NBAS: variants seen among roughly 807,000 people sequenced by gnomAD.
The protein encoded by NBAS is NBAS subunit of NRZ tethering complex, also known as NAG/BC035112 fusion.
NBAS carries 219 observed loss-of-function variants against 302.5 expected under a neutral mutation model. The observed-to-expected ratio is 0.72, with a 90% CI of 0.65 to 0.81. The LOEUF is 0.81. Ranked by LOEUF, NBAS falls within the 30% of genes least tolerant of loss-of-function variation. The pLI, the probability that NBAS is intolerant of heterozygous loss-of-function variation, is 0.00. For missense variants in NBAS, 2,932 were observed against 2,841.6 expected (o/e 1.03, Z -0.72); for synonymous variants, 1,118 against 1,021.6 (o/e 1.09, Z -1.80).
At chr2:14,870,258 G>A in the NBAS span, among the ~76,000 whole-genome samples, 1 of 152,170 alleles carries the variant, frequency 6.6e-6, no homozygotes, top group African/African-American at 2.4e-5. Flanking sequence ...GAAGCCACAG[G>A]ACAGTGTACT....
chr2:14,828,839 A>G, the NBAS span, among the ~76,000 whole-genome samples: 1 of 152,246 alleles, frequency 6.6e-6, no homozygotes, highest in East Asian at 1.9e-4. Context: ...TAGATGTTTC[A>G]TAGGTGTTGG....
the NBAS span, among the ~76,000 whole-genome samples, chr2:14,957,074 C>A: frequency 3.3e-5 from 5 of 152,030 alleles, no homozygotes; most frequent in Non-Finnish European, 7.4e-5. Flanking sequence ...CAGTATGAGA[C>A]ACAAGGAGAA....
the NBAS span, among the ~76,000 whole-genome samples, chr2:14,817,944 C>A: frequency 6.6e-6 from 1 of 151,990 alleles, no homozygotes. Flanking sequence ...ATGTGAGGTT[C>A]GCTATTCTCC....
chr2:15,446,044 G>A (rs1413192383), intron 21 of NBAS, among the ~76,000 whole-genome samples: 1 of 150,708 alleles, frequency 6.6e-6, no homozygotes, highest in East Asian at 1.9e-4. Flanking sequence ...TGGGCTGTAA[G>A]ATATGATCAC....
chr2:15,394,621 C>CTT (rs1675777978), intron 27 of NBAS, among the ~76,000 whole-genome samples: 1 of 152,186 alleles, frequency 6.6e-6, no homozygotes, highest in East Asian at 1.9e-4. Context: ...TCTCAAAAAT[C>CTT]TTTTTGCTAC....
At chr2:15,104,535 AG>A in the NBAS span, among the ~76,000 whole-genome samples, 6 of 152,008 alleles carry the variant, frequency 3.9e-5, 1 homozygote, top group South Asian at 1.3e-3. Context: ...TGGATGTCAC[AG>A]CACAGAAAAA....
At chr2:15,013,953 TA>T in the NBAS span, among the ~76,000 whole-genome samples, 20 of 151,812 alleles carry the variant, frequency 1.3e-4, no homozygotes, top group Non-Finnish European at 1.5e-5. Context: ...TGAAGGGATA[TA>T]AAAAGATATT....
chr2:15,498,750 G>GCTCTCT (rs71400654), intron 11 of NBAS, among the ~76,000 whole-genome samples: 2 of 148,014 alleles, frequency 1.4e-5, no homozygotes, highest in African/African-American at 5.0e-5. Context: ...ATTCGTGCTC[G>GCTCTCT]CTCTCTCTCT....
the NBAS span, among the ~76,000 whole-genome samples, chr2:15,159,560 C>T: frequency 6.7e-6 from 1 of 149,418 alleles, no homozygotes; most frequent in Non-Finnish European, 1.5e-5. Context: ...ATGTGAAATA[C>T]CTAGAGTAGT....
chr2:15,069,698 G>A, the NBAS span, among the ~76,000 whole-genome samples: 16 of 151,802 alleles, frequency 1.1e-4, no homozygotes. Flanking sequence ...GTCATGTTAA[G>A]AGAAAAAAAA....
chr2:15,233,586 A>G (rs1553348277), intron 46 of NBAS, among the ~76,000 whole-genome samples: 1 of 152,222 alleles, frequency 6.6e-6, no homozygotes, highest in Non-Finnish European at 1.5e-5. Flanking sequence ...CATCATTTGA[A>G]AGAGGACACT....
At position 15,417,709 on chromosome 2, in the gene NBAS, C is replaced by T; in HGVS notation, c.2581G>A (p.Asp861Asn). ...EEIEHYARQVDCALSLIRLGM... is the reference protein window; with the variant it reads ...EEIEHYARQVNCALSLIRLGM... ...AGTCGAATAAGTGACAATGCACAGT[C>T]CACCTAAAATTGAAAAGCAACAATA... The change falls in exon 24 of 52, where the codon GAC becomes AAC. Residue 861 changes from aspartate to asparagine, a missense_variant. By Grantham distance (23) the Asp-to-Asn change is conservative (BLOSUM62 1). Transcript: ENST00000281513. The T allele has an allele frequency of 1.2e-6, 2 of 1,613,572 alleles. No homozygotes were observed. Among genetic ancestry groups the T allele is most frequent in the Non-Finnish European group, 8.5e-7 (1 of 1,179,716 alleles).
chr2:14,827,013 A>G, the NBAS span, among the ~76,000 whole-genome samples: 58,748 of 152,158 alleles, frequency 0.39, 12,580 homozygotes, highest in African/African-American at 0.59. Flanking sequence ...GTCACATTGC[A>G]CCCAGAAGCA....
the NBAS span, among the ~76,000 whole-genome samples, chr2:15,151,810 A>G: frequency 6.6e-6 from 1 of 152,102 alleles, no homozygotes; most frequent in African/African-American, 2.4e-5. Flanking sequence ...AGCCATCACA[A>G]TAGTCTCCTT....
chr2:14,832,521 G>A, the NBAS span, among the ~76,000 whole-genome samples: 2 of 152,044 alleles, frequency 1.3e-5, no homozygotes, highest in Non-Finnish European at 2.9e-5. Flanking sequence ...CACCCACTAA[G>A]AACCACTCCT....
chr2:15,142,532 G>T, the NBAS span, among the ~76,000 whole-genome samples: 1 of 152,338 alleles, frequency 6.6e-6, no homozygotes, highest in East Asian at 1.9e-4. Context: ...ATATTTGAGG[G>T]AACGCTCCCC....
intron 23 of NBAS, among the ~76,000 whole-genome samples, chr2:15,423,809 C>T (rs764626823): frequency 6.6e-6 from 1 of 152,212 alleles, no homozygotes; most frequent in Non-Finnish European, 1.5e-5. Flanking sequence ...TCAGTATAAT[C>T]GTCATCTCTC....
intron 51 of NBAS, among the ~76,000 whole-genome samples, chr2:15,172,226 G>A (rs562593743): frequency 3.9e-5 from 6 of 152,254 alleles, no homozygotes; most frequent in Admixed American, 3.3e-4. Flanking sequence ...GTACCTCAAG[G>A]TTGCTTTCAT....
chr2:15,511,036 T>A (rs1419216225), intron 10 of NBAS, among the ~76,000 whole-genome samples, 176 bp downstream of exon 10: 2 of 152,244 alleles, frequency 1.3e-5, no homozygotes, highest in African/African-American at 4.8e-5. Context: ...AAATACAATA[T>A]GCCTCAGTTG....
Sources: allele counts gnomAD v4.1 joint callset (sites outside exome capture counted in the v4.1 genomes callset), GRCh38; gene constraint gnomAD v4.1.1; transcripts MANE v1.5; gene names NCBI Gene and HGNC (gene_info 2026-07-23, HGNC 2026-07-21).